Variants in SNX29 observed in about 807,000 individuals in gnomAD.
The protein encoded by SNX29 is sorting nexin 29.
In SNX29, 78 loss-of-function variants were observed where a neutral mutation model predicts 102.1. The observed-to-expected ratio is 0.76, with a 90% confidence interval of 0.64 to 0.92. SNX29 has a LOEUF of 0.92. SNX29 is among the 40% of genes least tolerant of loss of function. The pLI is 0.00. For synonymous variants in SNX29, 580 were observed against 414.5 expected (o/e 1.40, Z -4.85); for missense variants, 1,280 against 1,061.7 (o/e 1.21, Z -2.86).
At chr16:12,566,898 G>C (rs534106091) in intron 20 of SNX29, among the ~76,000 whole-genome samples, 4 of 152,236 alleles carry the variant, frequency 2.6e-5, no homozygotes, top group East Asian at 1.9e-4. Flanking sequence ...TACAGGAAAA[G>C]ACAATCATTA....
intron 20 of SNX29, among the ~76,000 whole-genome samples, chr16:12,538,744 C>T (rs2077190210): frequency 6.6e-6 from 1 of 151,952 alleles, no homozygotes; most frequent in Admixed American, 6.6e-5. Context: ...GAAGCACACC[C>T]ATATGGGTAT....
intron 11 of SNX29, chr16:12,081,195 C>G (rs934129372): frequency 2.6e-5 from 4 of 152,064 alleles, no homozygotes; most frequent in African/African-American, 9.7e-5. Context: ...TCTTGTTGTT[C>G]AAAAGAGAGA....
intron 18 of SNX29, among the ~76,000 whole-genome samples, chr16:12,470,477 G>A (rs534188830): frequency 1.7e-4 from 26 of 152,326 alleles, no homozygotes; most frequent in South Asian, 1.0e-3. Context: ...TTGCGTGGCA[G>A]GGACTGGATA....
intron 16 of SNX29, among the ~76,000 whole-genome samples, chr16:12,394,619 C>T (rs1422975206): frequency 6.6e-6 from 1 of 152,100 alleles, no homozygotes; most frequent in Non-Finnish European, 1.5e-5. Flanking sequence ...AGATGGTGCT[C>T]TCATTTATCT....
chr16:12,559,920 A>T (rs1236787020), intron 20 of SNX29, among the ~76,000 whole-genome samples: 1 of 152,202 alleles, frequency 6.6e-6, no homozygotes, highest in Non-Finnish European at 1.5e-5. Context: ...TGGAGCTTGC[A>T]GTGAGTCGAG....
intron 20 of SNX29, chr16:12,557,453 C>T (rs1414763611): frequency 6.6e-6 from 1 of 152,168 alleles, no homozygotes; most frequent in Non-Finnish European, 1.5e-5. Flanking sequence ...CCTCCTCCTC[C>T]TGGGTTCAAG....
chr16:12,051,748 C>G, intron 7 of SNX29, 99 bp from the exon 8 acceptor site: 1 of 1,481,386 alleles, frequency 6.8e-7, no homozygotes, highest in Non-Finnish European at 9.1e-7. Context: ...ATTTCTCACT[C>G]GAATAGTATT....
intron 14 of SNX29, among the ~76,000 whole-genome samples, chr16:12,236,189 C>A (rs1023318667): frequency 2.0e-5 from 3 of 152,086 alleles, no homozygotes; most frequent in Non-Finnish European, 4.4e-5. Context: ...TCCACTGTTG[C>A]CCCAACAGTT....
intron 14 of SNX29, among the ~76,000 whole-genome samples, chr16:12,206,682 G>C (rs111779008): frequency 2.6e-5 from 4 of 151,990 alleles, no homozygotes; most frequent in Non-Finnish European, 4.4e-5. Flanking sequence ...TCACTGTCCC[G>C]TCTTTCCATC....
At chr16:12,543,073 C>T (rs561874939) in intron 20 of SNX29, among the ~76,000 whole-genome samples, 5 of 152,208 alleles carry the variant, frequency 3.3e-5, no homozygotes, top group Non-Finnish European at 7.3e-5. Context: ...GTTTCACCCT[C>T]AAGCATGTTC....
At chr16:12,474,000 A>T (rs1197413466) in intron 18 of SNX29, among the ~76,000 whole-genome samples, 1 of 152,080 alleles carries the variant, frequency 6.6e-6, no homozygotes, top group Non-Finnish European at 1.5e-5. Context: ...CTTTCATTTT[A>T]CTCTACAGAC....
At chr16:12,007,085 C>A (rs151220015) in intron 3 of SNX29, among the ~76,000 whole-genome samples, 1 of 152,130 alleles carries the variant, frequency 6.6e-6, no homozygotes, top group East Asian at 1.9e-4. Context: ...AAAAATTATT[C>A]TCCTCTACCT....
At chr16:12,290,986 A>G (rs139282812) in intron 15 of SNX29, among the ~76,000 whole-genome samples, 4 of 152,278 alleles carry the variant, frequency 2.6e-5, no homozygotes, top group East Asian at 1.9e-4. Context: ...AATGGTATCT[A>G]TTCAGCTTGT....
intron 16 of SNX29, among the ~76,000 whole-genome samples, chr16:12,387,375 C>CCTTGGGA (rs2083376664): frequency 1.3e-5 from 2 of 152,232 alleles, no homozygotes; most frequent in Admixed American, 1.3e-4. Context: ...GGATAGCACT[C>CCTTGGGA]GAGCCTTGGG....
intron 19 of SNX29, among the ~76,000 whole-genome samples, chr16:12,488,794 G>C (rs2088385938): frequency 6.6e-6 from 1 of 152,170 alleles, no homozygotes; most frequent in Admixed American, 6.5e-5. Context: ...TGGTGACAAA[G>C]AAAATTTGTT....
chr16:12,305,879 C>T (rs560559527), intron 15 of SNX29, among the ~76,000 whole-genome samples: 17 of 152,114 alleles, frequency 1.1e-4, no homozygotes, highest in African/African-American at 3.9e-4. Context: ...GTAACCTGTT[C>T]GGATTTAAAA....
At chr16:12,079,016 C>G in intron 11 of SNX29, 101 bp downstream of exon 11, 1 of 1,031,472 alleles carries the variant, frequency 9.7e-7, no homozygotes, top group Non-Finnish European at 1.4e-6. Context: ...TGTGGGTTCA[C>G]GTCAGGTGTG....
chr16:12,181,367 C>T (rs139973963), intron 13 of SNX29, among the ~76,000 whole-genome samples: 4 of 152,132 alleles, frequency 2.6e-5, no homozygotes, highest in South Asian at 2.1e-4. Flanking sequence ...AACATTGGTT[C>T]GGTCTGGAAG....
rs114364136 is a variant in SNX29 at position 12,245,329 on chromosome 16, G to A, written c.1679-32604G>A. Among the ~76,000 whole-genome samples, 763 of 152,096 alleles carry A rather than the reference G, an allele frequency of 5.0e-3. 4 individuals are homozygous for A. Among genetic ancestry groups the A allele is most frequent in the African/African-American group, 0.017 (724 of 41,456 alleles). On this transcript the variant is annotated intron_variant, in intron 14 of 20. Transcript: ENST00000566228. ...CCTCACAAGTTTGTTGAGGTGTTAC[G>A]TACATGATCCATATATTTAACATGC... is the stretch of plus-strand genomic sequence containing the variant.
Sources: gnomAD v4.1 joint callset for allele counts (sites outside exome capture counted in the v4.1 genomes callset) on GRCh38, gnomAD v4.1.1 for gene constraint, MANE v1.5 for transcripts, NCBI Gene and HGNC (gene_info 2026-07-23, HGNC 2026-07-21) for gene names.